Variants in ERC1 observed in about 807,000 individuals in gnomAD.
The protein encoded by ERC1 is ELKS/RAB6-interacting/CAST family member 1.
ERC1 carries 56 observed loss-of-function variants against 132.0 expected under a neutral mutation model. That is an observed-to-expected ratio of 0.42 (90% CI 0.34 to 0.53). ERC1 has a LOEUF of 0.53. ERC1 is among the 20% of genes least tolerant of loss of function. The pLI is 0.03. For missense variants in ERC1, 1,202 were observed against 1,349.9 expected (o/e 0.89, Z 1.72); for synonymous variants, 478 against 476.1 (o/e 1.00, Z -0.05).
chr12:1,145,865 A>G (rs1950296203), intron 8 of ERC1, among the ~76,000 whole-genome samples: 2 of 152,118 alleles, frequency 1.3e-5, no homozygotes, highest in Admixed American at 1.3e-4. Context: ...TTACTTTGTC[A>G]AAGATCAGTT....
chr12:1,348,458 G>A (rs931099716), intron 15 of ERC1, among the ~76,000 whole-genome samples: 5 of 152,078 alleles, frequency 3.3e-5, no homozygotes, highest in Admixed American at 2.0e-4. Flanking sequence ...AGGCCGAGGC[G>A]GGCAGATCAC....
At chr12:1,200,938 C>T (rs751762977) in intron 12 of ERC1, among the ~76,000 whole-genome samples, 2 of 152,090 alleles carry the variant, frequency 1.3e-5, no homozygotes, top group African/African-American at 2.4e-5. Flanking sequence ...TCTCCCATAC[C>T]TTGATATTAT....
intron 15 of ERC1, among the ~76,000 whole-genome samples, chr12:1,368,188 A>G (rs2086846351): frequency 6.6e-6 from 1 of 152,086 alleles, no homozygotes. Flanking sequence ...TAAAGCTCTT[A>G]AAGTCGATGA....
At chr12:1,095,702 C>G (rs955767786) in intron 3 of ERC1, among the ~76,000 whole-genome samples, 2 of 152,088 alleles carry the variant, frequency 1.3e-5, no homozygotes, top group Admixed American at 6.6e-5. Context: ...TATTTCCAGT[C>G]TTCTCTCTCT....
chr12:1,439,842 T>C (rs2093053722), intron 17 of ERC1, among the ~76,000 whole-genome samples: 1 of 152,230 alleles, frequency 6.6e-6, no homozygotes, highest in Non-Finnish European at 1.5e-5. Flanking sequence ...GCAGTGGCAG[T>C]TCTACCTTGT....
chr12:1,439,642 A>G (rs1036514768), intron 17 of ERC1, among the ~76,000 whole-genome samples: 4 of 152,234 alleles, frequency 2.6e-5, no homozygotes, highest in African/African-American at 9.6e-5. Context: ...TTCCTAGTGC[A>G]GAAAAGTATA....
At chr12:1,473,838 CT>C (rs1684464916) in intron 18 of ERC1, among the ~76,000 whole-genome samples, 1 of 152,020 alleles carries the variant, frequency 6.6e-6, no homozygotes, top group South Asian at 2.1e-4. Flanking sequence ...GTACTAAGTG[CT>C]AAAGGGATTC....
chr12:1,481,062 T>G (rs1174688738), intron 18 of ERC1, among the ~76,000 whole-genome samples: 1 of 152,152 alleles, frequency 6.6e-6, no homozygotes, highest in Non-Finnish European at 1.5e-5. Flanking sequence ...TTAGGCACAG[T>G]AAGAGATTAA....
chr12:1,195,095 A>G (rs1452698669), intron 12 of ERC1, among the ~76,000 whole-genome samples: 2 of 136,490 alleles, frequency 1.5e-5, no homozygotes, highest in Non-Finnish European at 3.0e-5. Context: ...AGAAGCCCCT[A>G]AAAAAACCAC....
At chr12:1,345,729 C>G (rs2084388337) in intron 15 of ERC1, among the ~76,000 whole-genome samples, 1 of 152,110 alleles carries the variant, frequency 6.6e-6, no homozygotes, top group Admixed American at 6.5e-5. Flanking sequence ...TCCCAGGCTA[C>G]TTAGTCTGGG....
At chr12:1,258,307 G>T (rs2076937679) in intron 13 of ERC1, among the ~76,000 whole-genome samples, 1 of 152,134 alleles carries the variant, frequency 6.6e-6, no homozygotes, top group Non-Finnish European at 1.5e-5. Flanking sequence ...ACTCAGAATG[G>T]CTCTTACTGT....
In ERC1 at chr12:1,418,589, C is replaced by CTCTT. The variant is rs71055147; in HGVS notation, c.3024+10394_3024+10397dup. On this transcript the variant is annotated intron_variant, in intron 17 of 18. Coordinates refer to ENST00000360905, the MANE Select transcript of ERC1 (RefSeq NM_178040.4). Reference sequence around the variant, plus strand: ...ATTTTCTTTCTTTCTTTCTTTCTTTCTCTTTCTTTCTTTCTTTCTTTCTTT... The same window carrying CTCTT: ...ATTTTCTTTCTTTCTTTCTTTCTTTCTCTTTCTTTCTTTCTTTCTTTCTTTCTTT... Among the ~76,000 whole-genome samples, 139 of 107,016 alleles carry CTCTT rather than the reference C, an allele frequency of 1.3e-3. 1 individual carries two copies. The highest frequency in any genetic ancestry group is 1.9e-3 in the East Asian group (8 of 4,180). 70.2% of individuals were successfully genotyped at this position (107,016 alleles called of 152,430 possible).
chr12:1,217,679 A>C (rs1195640606), intron 12 of ERC1, among the ~76,000 whole-genome samples: 1 of 152,152 alleles, frequency 6.6e-6, no homozygotes, highest in Non-Finnish European at 1.5e-5. Flanking sequence ...CAATTATTGC[A>C]TCTAATTAGG....
chr12:1,037,874 C>T (rs1053023004), intron 2 of ERC1, among the ~76,000 whole-genome samples: 9 of 151,814 alleles, frequency 5.9e-5, no homozygotes, highest in African/African-American at 1.7e-4. Context: ...GAAACCCTGT[C>T]TCTACTAAAA....
chr12:1,301,680 G>A (rs1464429693), intron 15 of ERC1, among the ~76,000 whole-genome samples: 1 of 152,112 alleles, frequency 6.6e-6, no homozygotes, highest in Admixed American at 6.5e-5. Flanking sequence ...AGTGGAGGGT[G>A]GGAGAAGGGA....
At chr12:1,478,654 G>T (rs554531064) in intron 18 of ERC1, among the ~76,000 whole-genome samples, 1 of 152,114 alleles carries the variant, frequency 6.6e-6, no homozygotes, top group African/African-American at 2.4e-5. Context: ...CTAGCCGGGC[G>T]TGGTGGCGAG....
intron 15 of ERC1, among the ~76,000 whole-genome samples, chr12:1,315,237 G>C (rs1208334603): frequency 6.6e-6 from 1 of 152,096 alleles, no homozygotes; most frequent in Non-Finnish European, 1.5e-5. Context: ...GGCTGATCTT[G>C]AACTCCTGAC....
chr12:1,438,576 G>A (rs1209513795), intron 17 of ERC1, among the ~76,000 whole-genome samples: 1 of 152,146 alleles, frequency 6.6e-6, no homozygotes. Context: ...AGCCACAGAA[G>A]AATCGTAGTA....
At chr12:1,384,788 T>G (rs1033254667) in intron 16 of ERC1, among the ~76,000 whole-genome samples, 2 of 152,242 alleles carry the variant, frequency 1.3e-5, no homozygotes, top group Non-Finnish European at 1.5e-5. Context: ...TAGAGATGCT[T>G]AAAGTTTATG....
Sources: allele counts gnomAD v4.1 joint callset (sites outside exome capture counted in the v4.1 genomes callset), GRCh38; gene constraint gnomAD v4.1.1; transcripts MANE v1.5; gene names NCBI Gene and HGNC (gene_info 2026-07-23, HGNC 2026-07-21).